The following DUT variants were observed in gnomAD, a reference collection of about 807,000 sequenced individuals.
DUT encodes deoxyuridine 5'-triphosphate nucleotidohydrolase, mitochondrial.
In DUT, 21 loss-of-function variants were observed where a neutral mutation model predicts 28.8. That is an observed-to-expected ratio of 0.73 (90% CI 0.52 to 1.05). DUT has a LOEUF of 1.05. DUT is among the 50% of genes least tolerant of loss of function. The pLI, the probability that DUT is intolerant of heterozygous loss-of-function variation, is 0.00. For missense variants in DUT, 344 were observed against 351.8 expected, an observed-to-expected ratio of 0.98 and a Z score of 0.18; for synonymous variants, 147 against 143.7, an observed-to-expected ratio of 1.02 and a Z score of -0.17.
In DUT at chr15:48,331,767, G is replaced by A. The variant is rs904068542; in HGVS notation, c.252G>A (p.Lys84=). The change falls in exon 1 of 7, where the codon AAG becomes AAA. Residue 84 remains lysine (K), a synonymous_variant. Coordinates refer to ENST00000331200, the MANE Select transcript of DUT (RefSeq NM_001025248.2). Reference sequence around the variant, plus strand: ...CTGGCTGGAAGGGCGAGCTTCCTAAGGCGGGGGGAAGCCCGGCGCCGGGGC... The same window carrying A: ...CTGGCTGGAAGGGCGAGCTTCCTAAAGCGGGGGGAAGCCCGGCGCCGGGGC... The part of the protein sequence containing the change: ...GAAGWKGELP[K]AGGSPAPGPE... 2.9e-6 allele frequency: 4 copies of A among 1,397,130 alleles called. No individual in the cohort carries two copies. The highest frequency in any genetic ancestry group is 3.0e-5 in the East Asian group (1 of 33,868). 86.5% of individuals were successfully genotyped at this position (1,397,130 alleles called of 1,614,324 possible). A position where few individuals can be genotyped will look rare whatever the true frequency, so the allele number is the denominator to read the frequency against.
At chr15:48,336,166 C>A in intron 4 of DUT, 76 bp downstream of exon 4, 2 of 1,233,942 alleles carry the variant, frequency 1.6e-6, no homozygotes, top group Non-Finnish European at 2.2e-6. Context: ...ATTCAAATGA[C>A]AGATTTTATT....
intron 4 of DUT, among the ~76,000 whole-genome samples, chr15:48,339,983 A>G (rs2042515926): frequency 6.6e-6 from 1 of 152,194 alleles, no homozygotes; most frequent in Admixed American, 6.5e-5. Context: ...GGATATGCTT[A>G]GGAATTACCC....
chr15:48,337,162 T>C (rs2042484616), intron 4 of DUT, among the ~76,000 whole-genome samples: 1 of 152,070 alleles, frequency 6.6e-6, no homozygotes, highest in Non-Finnish European at 1.5e-5. Context: ...GTACACCCTT[T>C]AGGGACTAAA....
upstream of DUT, chr15:48,331,425 T>G (rs2042405732): frequency 6.4e-7 from 1 of 1,554,876 alleles, no homozygotes; most frequent in African/African-American, 1.4e-5. Flanking sequence ...GCTTCCGAGG[T>G]CATGTTCCCA....
Position 48,342,836 on chromosome 15 carries a change from AG to A in DUT, c.*760del, listed in dbSNP as rs1480946671. ...AGTTTTCCCTCAGTGAAGTAGCAAT[AG>A]GCTGTAATCAAGAAAATATGCCATT... On this transcript the variant is annotated 3_prime_UTR_variant, in exon 7 of 7. Transcript: ENST00000331200. 6.6e-6 allele frequency: 1 copy of A among 152,194 alleles called. No individual in the cohort carries two copies. The highest frequency in any genetic ancestry group is 2.4e-5 in the African/African-American group (1 of 41,454). 9.4% of individuals were successfully genotyped at this position (152,194 alleles called of 1,614,324 possible).
At chr15:48,338,220 T>C (rs1266356549) in intron 4 of DUT, among the ~76,000 whole-genome samples, 2 of 152,174 alleles carry the variant, frequency 1.3e-5, no homozygotes, top group African/African-American at 4.8e-5. Context: ...AGGGCCTTTT[T>C]TTCTGCCATA....
chr15:48,331,519 A>G lies in DUT; in HGVS notation c.4A>G (p.Thr2Ala). 1 of 1,610,606 alleles carries G rather than the reference A, an allele frequency of 6.2e-7. No homozygotes were observed. Among genetic ancestry groups the G allele is most frequent in the Non-Finnish European group, 8.5e-7 (1 of 1,179,080 alleles). M[T>A]PLCPRPALCY... Reference sequence around the variant, plus strand: ...ACCAGCCCAAACTCTGGGGGAAATGACTCCCCTCTGCCCTCGCCCCGCGCT... The same window carrying G: ...ACCAGCCCAAACTCTGGGGGAAATGGCTCCCCTCTGCCCTCGCCCCGCGCT... Residue 2 changes from threonine (T) to alanine (A), a missense_variant, in exon 1 of 7, where the codon ACT becomes GCT. Coordinates refer to ENST00000331200, the MANE Select transcript of DUT (RefSeq NM_001025248.2).
chr15:48,331,109 CGGCGCCGAGATGCGGTTCCGGCGCTTAG>C, upstream of DUT: 2 of 1,255,982 alleles, frequency 1.6e-6, no homozygotes, highest in Non-Finnish European at 2.0e-6. Flanking sequence ...TAACTGTCAC[CGGCGCCGAGATGCGGTTCCGGCGCTTAG>C]GGCGCCGCTA....
At chr15:48,341,116 T>G in intron 4 of DUT, 173 bp from the exon 5 acceptor site, 1 of 477,352 alleles carries the variant, frequency 2.1e-6, no homozygotes, top group South Asian at 4.1e-5. Context: ...TATTTGTATT[T>G]TAGTAATGTC....
rs1786906450 is a variant in DUT at position 48,341,822 on chromosome 15, T to A, written c.703-200T>A. The A allele has an allele frequency of 6.0e-5, 34 of 566,670 alleles. No individual in the cohort carries two copies. The South Asian group carries it at 1.0e-3, about 17-fold the overall frequency. The allele number at this position is 566,670 out of a possible 1,614,324, so 35.1% of individuals were successfully genotyped here. ...AAACATACTGTGAACTTCTAATATT[T>A]TATTAGAATTTTTTAAAGTTATCCA... On this transcript the variant is annotated intron_variant, in intron 6 of 6. Coordinates refer to ENST00000331200, the MANE Select transcript of DUT (RefSeq NM_001025248.2).
chr15:48,340,805 T>A (rs1448542542), intron 4 of DUT, among the ~76,000 whole-genome samples: 3 of 152,212 alleles, frequency 2.0e-5, no homozygotes, highest in Non-Finnish European at 2.9e-5. Context: ...AATATTCTAA[T>A]ATTTGCAAGA....
intron 4 of DUT, among the ~76,000 whole-genome samples, chr15:48,337,608 CTT>C (rs2042489173): frequency 6.6e-6 from 1 of 152,124 alleles, no homozygotes; most frequent in East Asian, 1.9e-4. Context: ...TATGTGGAAA[CTT>C]TTTCTTTTAT....
chr15:48,334,578 T>TG, intron 3 of DUT, 70 bp downstream of exon 3: 1 of 1,215,606 alleles, frequency 8.2e-7, no homozygotes, highest in Non-Finnish European at 1.2e-6. Context: ...ATGTTTCATT[T>TG]GGGGTAATAA....
chr15:48,332,760 G>A, intron 2 of DUT: 1 of 519,984 alleles, frequency 1.9e-6, no homozygotes, highest in South Asian at 1.5e-5. Context: ...ATGTGAGCGT[G>A]AAAATACCTA....
intron 3 of DUT, among the ~76,000 whole-genome samples, 183 bp downstream of exon 3, chr15:48,334,691 G>C (rs759807899): frequency 6.6e-6 from 1 of 152,128 alleles, no homozygotes; most frequent in South Asian, 2.1e-4. Context: ...GCCTCTTTTT[G>C]ACCCTTTTAT....
upstream of DUT, chr15:48,331,369 C>T: frequency 6.8e-7 from 1 of 1,464,196 alleles, no homozygotes; most frequent in Non-Finnish European, 9.0e-7. Flanking sequence ...CCTGGGCTGC[C>T]GGGGCACCGC....
chr15:48,341,265 T>C, intron 4 of DUT, 24 bp from the exon 5 acceptor site: 1 of 1,481,390 alleles, frequency 6.8e-7, no homozygotes, highest in Non-Finnish European at 9.2e-7. Flanking sequence ...AAAATTGAGA[T>C]AATATTACTT....
intron 1 of DUT, 91 bp from the exon 2 acceptor site, chr15:48,332,177 C>T (rs367836081): frequency 6.1e-6 from 9 of 1,466,114 alleles, no homozygotes; most frequent in African/African-American, 5.9e-5. Flanking sequence ...GGTTTTGGCG[C>T]GCTCCCTGCG....
At chr15:48,334,892 G>A (rs1230761671) in intron 3 of DUT, among the ~76,000 whole-genome samples, 2 of 152,178 alleles carry the variant, frequency 1.3e-5, no homozygotes, top group Non-Finnish European at 2.9e-5. Context: ...AGAGGCACTG[G>A]GAGGAGCTAG....
Sources: allele counts gnomAD v4.1 joint callset (sites outside exome capture counted in the v4.1 genomes callset), GRCh38; gene constraint gnomAD v4.1.1; transcripts MANE v1.5; gene names NCBI Gene and HGNC (gene_info 2026-07-23, HGNC 2026-07-21).